USP36: variants seen among roughly 807,000 people sequenced by gnomAD.
The protein encoded by USP36 is ubiquitin carboxyl-terminal hydrolase 36.
A neutral mutation model predicts 111.5 loss-of-function variants in USP36; 59 were observed. The ratio of observed to expected loss-of-function variants is 0.53; its 90% CI spans 0.43 to 0.66. The LOEUF (loss-of-function observed/expected upper bound fraction) is 0.66, where lower values mean the gene tolerates loss of function less well. Ranked by LOEUF, USP36 falls within the 30% of genes least tolerant of loss-of-function variation. The probability of loss-of-function intolerance (pLI) is 0.00; values close to 1 mark genes in which losing one functional copy is unlikely to be tolerated. For missense variants in USP36, 1,488 were observed against 1,468.0 expected (o/e 1.01, Z -0.22); for synonymous variants, 628 against 581.0 (o/e 1.08, Z -1.16).
intron 6 of USP36, among the ~76,000 whole-genome samples, chr17:78,825,045 G>C (rs573908179): frequency 1.3e-5 from 2 of 152,300 alleles, no homozygotes; most frequent in South Asian, 2.1e-4. Context: ...GCACCCACCA[G>C]AATTCCAGTA....
chr17:78,835,019 T>TATA (rs1567972760), intron 4 of USP36, among the ~76,000 whole-genome samples: 6 of 122,250 alleles, frequency 4.9e-5, no homozygotes, highest in South Asian at 2.5e-4. Context: ...ATATATATAT[T>TATA]TTGGAAGTAT....
intron 10 of USP36, among the ~76,000 whole-genome samples, chr17:78,816,958 A>C (rs1250264750): frequency 3.3e-5 from 5 of 152,102 alleles, no homozygotes; most frequent in Admixed American, 1.3e-4. Flanking sequence ...GTCACCATTA[A>C]TTTTGCCTGT....
chr17:78,822,467 A>T (rs1391643554), intron 6 of USP36, among the ~76,000 whole-genome samples: 4 of 147,596 alleles, frequency 2.7e-5, no homozygotes, highest in Non-Finnish European at 3.0e-5. Flanking sequence ...ATCTGGGAAG[A>T]GGGGTGGGGG....
At chr17:78,810,931 T>TTTA (rs2094034435) in intron 13 of USP36, among the ~76,000 whole-genome samples, 1 of 151,926 alleles carries the variant, frequency 6.6e-6, no homozygotes, top group African/African-American at 2.4e-5. Context: ...CTGGCCAACA[T>TTTA]GGTGAAACCC....
Position 78,798,682 on chromosome 17 carries a change from A to G in USP36, c.3241-131T>C. On this transcript the variant is annotated intron_variant, in intron 19 of 20. Transcript: ENST00000449938. This position sits in a 1 kb window ranked among gnomAD's most constrained non-coding sequence, Gnocchi z 5.1. ...GCTCTCTGGAGACCCACTCTTCACA[A>G]TGACCCCTGTGCACGGCGACCTGCA... The G allele has an allele frequency of 7.0e-7, 1 of 1,427,470 alleles. No individual in the cohort carries two copies. The highest frequency in any genetic ancestry group is 9.6e-7 in the Non-Finnish European group (1 of 1,044,398). The allele number at this position is 1,427,470 out of a possible 1,614,324, so 88.4% of individuals were successfully genotyped here.
Position 78,802,545 on chromosome 17 carries a change from A to T in USP36, c.2811-10T>A. On this transcript the variant is annotated splice_polypyrimidine_tract_variant and intron_variant, in intron 16 of 20. Transcript: ENST00000449938. ...ACCCATGGGAGAGCAGCTGCTTGGA[A>T]GTGAGAGGCAGCAGTCAGCTCTGAG... 6.2e-7 allele frequency: 1 copy of T among 1,600,342 alleles called. No individual in the cohort carries two copies. Among genetic ancestry groups the T allele is most frequent in the Non-Finnish European group, 8.5e-7 (1 of 1,178,610 alleles).
At chr17:78,817,883 C>A (rs528629083) in intron 10 of USP36, among the ~76,000 whole-genome samples, 1 of 152,254 alleles carries the variant, frequency 6.6e-6, no homozygotes, top group East Asian at 1.9e-4. Context: ...GAGTTTGAGA[C>A]CACCCTGGGC....
intron 13 of USP36, 96 bp downstream of exon 13, chr17:78,812,764 C>T: frequency 7.2e-7 from 1 of 1,393,566 alleles, no homozygotes; most frequent in South Asian, 1.3e-5. Flanking sequence ...AAACTGCCTG[C>T]AAATTCCTTC....
chr17:78,830,222 C>G (rs536508266), intron 4 of USP36, among the ~76,000 whole-genome samples: 1 of 152,314 alleles, frequency 6.6e-6, no homozygotes, highest in South Asian at 2.1e-4. Context: ...TATCCATGAA[C>G]AATAAATGGC....
In USP36 at chr17:78,798,724, A is replaced by G. The variant is rs1394708354; in HGVS notation, c.3241-173T>C. ...CGACCTGCAGTCCCCCTATTGACAA[A>G]GGGGCGGAAGCTGCGAGGATGCATG... On this transcript the variant is annotated intron_variant, in intron 19 of 20. Transcript: ENST00000449938. The surrounding 1 kb of genome is among the most constrained non-coding windows in gnomAD (Gnocchi z 5.1). Among the ~76,000 whole-genome samples, 1 of 152,136 alleles carries G rather than the reference A, an allele frequency of 6.6e-6. No individual in the cohort carries two copies. Among genetic ancestry groups the G allele is most frequent in the Non-Finnish European group, 1.5e-5 (1 of 68,032 alleles).
At chr17:78,799,826 G>T (rs1295560651) in intron 17 of USP36, 58 bp from the exon 18 acceptor site, 17 of 1,168,204 alleles carry the variant, frequency 1.5e-5, no homozygotes, top group Non-Finnish European at 1.9e-5. Context: ...CACTGGGGAA[G>T]CAATCGCACA....
rs144554402 is a variant in USP36, at chr17:78,806,249, C to T, written c.2123G>A (p.Arg708His). 7.8e-4 allele frequency: 1,261 copies of T among 1,613,628 alleles called. 3 individuals carry two copies. The highest frequency in any genetic ancestry group is 3.6e-3 in the Middle Eastern group (21 of 5,900). The part of the protein sequence containing the change: ...TLWRATGNDL[R>H]PPPPSPSSDL... The stretch of plus-strand genomic sequence containing the variant: ...GGAGGATGGTGAGGGGGGAGGTGGA[C>T]GGAGGTCATTGCCGGTCGCCCTCCA... The change falls in exon 15 of 21, where the codon CGT (arginine) becomes CAT (histidine). Residue 708 changes from arginine (R) to histidine (H), a missense_variant. By Grantham distance (29) the Arg-to-His change is conservative. Around this residue, in one of 3 missense-constraint regions of USP36, gnomAD observed 1,073 missense variants for 994.1 expected, o/e 1.08. Coordinates refer to ENST00000449938, the MANE Select transcript of USP36 (RefSeq NM_001385174.1).
chr17:78,825,149 T>C (rs558838565), intron 6 of USP36, among the ~76,000 whole-genome samples: 3 of 152,236 alleles, frequency 2.0e-5, no homozygotes, highest in South Asian at 2.1e-4. Flanking sequence ...GACCCATCCA[T>C]GGACAGAGGA....
chr17:78,813,759 CG>C lies in USP36; in HGVS notation c.1265+13del. ...AGGGAGTGAGCTCATCTGGGGAGGG[CG>C]TGAGTTTATTACCGCAGATAGAACA... On this transcript the variant is annotated intron_variant, in intron 12 of 20. Coordinates refer to ENST00000449938, the MANE Select transcript of USP36 (RefSeq NM_001385174.1). The C allele has an allele frequency of 6.2e-7, 1 of 1,612,158 alleles. No homozygotes were observed. The highest frequency in any genetic ancestry group is 8.5e-7 in the Non-Finnish European group (1 of 1,178,490).
intron 9 of USP36, 85 bp downstream of exon 9, chr17:78,819,845 G>A: frequency 7.2e-7 from 1 of 1,396,914 alleles, no homozygotes; most frequent in Non-Finnish European, 1.0e-6. Flanking sequence ...CGCTAAGGAA[G>A]AGTGGGTGGG....
At chr17:78,830,450 C>A (rs563274881) in intron 4 of USP36, among the ~76,000 whole-genome samples, 1 of 152,216 alleles carries the variant, frequency 6.6e-6, no homozygotes, top group Non-Finnish European at 1.5e-5. Flanking sequence ...CTATCATAGA[C>A]ATTTTGCAAT....
At chr17:78,802,157 G>A (rs1250705868) in intron 17 of USP36, among the ~76,000 whole-genome samples, 167 bp downstream of exon 17, 40 of 98,802 alleles carry the variant, frequency 4.0e-4, no homozygotes, top group African/African-American at 1.6e-3. Flanking sequence ...GCACACCCAC[G>A]CGGTCCCCCA....
Position 78,812,960 on chromosome 17 carries a change from C to A in USP36, c.1307G>T (p.Arg436Met), listed in dbSNP as rs182925919. The A allele has an allele frequency of 9.4e-5, 152 of 1,614,040 alleles. No individual in the cohort carries two copies. The East Asian group carries it at 2.1e-3, about 22-fold the overall frequency. Residue 436 changes from arginine (R) to methionine (M), a missense_variant, in exon 13 of 21, where the codon AGG becomes ATG. Transcript: ENST00000449938. ...GCCGGGAAGGGAGGAGGAGCCTGTC[C>A]TGGAGATGAGGCCCTCGGGACTTTT... is the stretch of plus-strand genomic sequence containing the variant. ...SKKSPEGLISRTGSSSLPGRP... is the reference protein window; with the variant it reads ...SKKSPEGLISMTGSSSLPGRP...
In USP36 at chr17:78,832,881, G is replaced by A. The variant is rs113839382; in HGVS notation, c.475+2399C>T. The stretch of plus-strand genomic sequence containing the variant: ...CAATGTGCTTCTGCAGGGCACGGTG[G>A]CTCATGCCTGTAATCTCAGCACTTT... On this transcript the variant is annotated intron_variant, in intron 4 of 20. Transcript: ENST00000449938. Among the ~76,000 whole-genome samples the A allele has an allele frequency of 1.9e-3, 286 of 152,304 alleles. 1 individual carries two copies. Among genetic ancestry groups the A allele is most frequent in the African/African-American group, 6.5e-3 (272 of 41,554 alleles).
Sources: allele counts gnomAD v4.1 joint callset (sites outside exome capture counted in the v4.1 genomes callset), GRCh38; gene constraint gnomAD v4.1.1; regional missense constraint gnomAD v4.1.1; non-coding constraint Gnocchi (gnomAD v3.1); transcripts MANE v1.5; gene names NCBI Gene and HGNC (gene_info 2026-07-23, HGNC 2026-07-21).